Variants in GRID2 observed in about 807,000 individuals in gnomAD.
The protein encoded by GRID2 is glutamate receptor ionotropic, delta-2.
GRID2 carries 33 observed loss-of-function variants against 114.8 expected under a neutral mutation model. The ratio of observed to expected loss-of-function variants is 0.29; its 90% CI spans 0.22 to 0.38. The LOEUF (loss-of-function observed/expected upper bound fraction) is 0.38. Among genes scored for constraint, GRID2 ranks in the 10% least tolerant of loss-of-function variants. GRID2 has a pLI of 1.00. For missense variants in GRID2, 1,184 were observed against 1,257.7 expected (o/e 0.94, Z 0.89); for synonymous variants, 505 against 449.9 (o/e 1.12, Z -1.55).
At chr4:92,908,245 G>A (rs1395260705) in intron 2 of GRID2, among the ~76,000 whole-genome samples, 1 of 152,022 alleles carries the variant, frequency 6.6e-6, no homozygotes, top group African/African-American at 2.4e-5. Context: ...CCTTTTACAT[G>A]TAAAATATTC....
intron 2 of GRID2, among the ~76,000 whole-genome samples, chr4:92,740,697 TAGATAGATAGATAGATA>T (rs1560565426): frequency 0.33 from 32,559 of 99,740 alleles, 3,833 homozygotes; most frequent in East Asian, 0.44. Flanking sequence ...AGATGATAGA[TAGATAGATAGATAGATA>T]GATAGATAGA....
chr4:93,667,625 A>G lies in GRID2; in HGVS notation c.2360+41190A>G, dbSNP rs370598261. Among the ~76,000 whole-genome samples the G allele has an allele frequency of 3.3e-5, 5 of 152,004 alleles. No individual in the cohort carries two copies. The East Asian group carries it at 9.6e-4, about 29-fold the overall frequency. On this transcript the variant is annotated intron_variant, in intron 14 of 15. Transcript: ENST00000282020. ...TCCTGTCTGTCACCAAGATGCTGAA[A>G]ATATATCACTGTTACTTCCATTTGC...
chr4:93,253,938 T>G (rs1749274173), intron 8 of GRID2, among the ~76,000 whole-genome samples: 1 of 152,162 alleles, frequency 6.6e-6, no homozygotes, highest in South Asian at 2.1e-4. Flanking sequence ...GCTACAAATA[T>G]TTTGAGGACC....
chr4:92,998,428 C>T (rs567870385), intron 2 of GRID2, among the ~76,000 whole-genome samples: 5 of 151,990 alleles, frequency 3.3e-5, no homozygotes, highest in South Asian at 2.1e-4. Flanking sequence ...TGAGTTGCTT[C>T]GAAATTTAAT....
chr4:92,692,563 A>G (rs1398303526), intron 2 of GRID2, among the ~76,000 whole-genome samples: 1 of 152,154 alleles, frequency 6.6e-6, no homozygotes, highest in Admixed American at 6.6e-5. Flanking sequence ...GCCTTAGTCA[A>G]AATATAGTAA....
At chr4:92,588,560 TCCC>T (rs1469983477) in intron 1 of GRID2, among the ~76,000 whole-genome samples, 5 of 150,570 alleles carry the variant, frequency 3.3e-5, no homozygotes, top group Admixed American at 6.7e-5. Context: ...GTGCCTGTAG[TCCC>T]AGGTAATTGG....
intron 8 of GRID2, among the ~76,000 whole-genome samples, chr4:93,244,465 G>A (rs896988367): frequency 3.4e-5 from 5 of 146,536 alleles, no homozygotes; most frequent in Middle Eastern, 3.6e-3. Context: ...GTACTGCTTC[G>A]CAAAGGATAT....
At chr4:93,803,188 G>T (rs764444199) in intron 1 of GRID2, among the ~76,000 whole-genome samples, 2 of 152,106 alleles carry the variant, frequency 1.3e-5, no homozygotes, top group South Asian at 2.1e-4. Flanking sequence ...GCAAATAAAA[G>T]AATTAAAATT....
chr4:93,685,270 G>A (rs540552897), intron 14 of GRID2, among the ~76,000 whole-genome samples: 9 of 152,082 alleles, frequency 5.9e-5, no homozygotes, highest in Admixed American at 3.3e-4. Flanking sequence ...AAACCTTACC[G>A]ATTTTTACTC....
chr4:92,955,373 T>G (rs1032362325), intron 2 of GRID2, among the ~76,000 whole-genome samples: 1 of 152,220 alleles, frequency 6.6e-6, no homozygotes, highest in African/African-American at 2.4e-5. Flanking sequence ...CCAGTGATGA[T>G]GAGCATTTTT....
intron 7 of GRID2, among the ~76,000 whole-genome samples, chr4:93,231,989 A>G (rs1746202252): frequency 6.6e-6 from 1 of 152,118 alleles, no homozygotes; most frequent in South Asian, 2.1e-4. Flanking sequence ...ATATAAAGCT[A>G]TGGAAGGAGG....
chr4:92,592,131 AG>A (rs1464456835), intron 2 of GRID2, among the ~76,000 whole-genome samples: 1 of 152,062 alleles, frequency 6.6e-6, no homozygotes, highest in Non-Finnish European at 1.5e-5. Context: ...TATATTCAAT[AG>A]GAAATATATG....
rs1026053377 is a variant in GRID2 at position 93,773,418 on chromosome 4, GAAAAT to G, written c.*922_*926del. 2 of 152,186 alleles carry G rather than the reference GAAAAT, an allele frequency of 1.3e-5. No individual in the cohort carries two copies. The highest frequency in any genetic ancestry group is 2.9e-5 in the Non-Finnish European group (2 of 67,958). The allele number at this position is 152,186 out of a possible 1,614,324, so 9.4% of individuals were successfully genotyped here. A position where few individuals can be genotyped will look rare whatever the true frequency, so the allele number is the denominator to read the frequency against. On this transcript the variant is annotated 3_prime_UTR_variant, in exon 16 of 16. Transcript: ENST00000282020. ...TTCTGACTCGCATTGTTTGCCAACA[GAAAAT>G]ATTTTATACTTTTGTTATTAAAGCA...
chr4:92,820,307 C>A (rs536881324), intron 2 of GRID2, among the ~76,000 whole-genome samples: 1 of 152,058 alleles, frequency 6.6e-6, no homozygotes, highest in African/African-American at 2.4e-5. Flanking sequence ...GCAAAAGGAC[C>A]AGTGCAATGC....
At chr4:92,346,344 A>G (rs1185979883) in intron 1 of GRID2, among the ~76,000 whole-genome samples, 2 of 152,064 alleles carry the variant, frequency 1.3e-5, no homozygotes, top group African/African-American at 2.4e-5. Context: ...AATTTGACTC[A>G]TATTTTATTT....
chr4:93,343,511 G>A (rs1759873446), intron 8 of GRID2, among the ~76,000 whole-genome samples: 1 of 152,006 alleles, frequency 6.6e-6, no homozygotes, highest in African/African-American at 2.4e-5. Context: ...AGGGCATTGG[G>A]AAATATTTAA....
At chr4:93,268,026 C>T (rs1249376840) in intron 8 of GRID2, among the ~76,000 whole-genome samples, 1 of 152,168 alleles carries the variant, frequency 6.6e-6, no homozygotes, top group East Asian at 1.9e-4. Context: ...TGCAGAGACA[C>T]TCACCTGCTC....
chr4:93,447,001 T>C (rs1722155651), intron 10 of GRID2, among the ~76,000 whole-genome samples: 1 of 151,756 alleles, frequency 6.6e-6, no homozygotes, highest in Admixed American at 6.6e-5. Context: ...ACATAAGTAA[T>C]ACCTAACAAA....
chr4:93,542,681 G>A (rs1358485354), intron 13 of GRID2, among the ~76,000 whole-genome samples: 1 of 152,102 alleles, frequency 6.6e-6, no homozygotes, highest in East Asian at 1.9e-4. Flanking sequence ...TCACCTACCT[G>A]AGAAGAGGTG....
Sources: allele counts gnomAD v4.1 joint callset (sites outside exome capture counted in the v4.1 genomes callset), GRCh38; gene constraint gnomAD v4.1.1; transcripts MANE v1.5; gene names NCBI Gene and HGNC (gene_info 2026-07-23, HGNC 2026-07-21).